The following PXK variants were observed in gnomAD, a reference collection of about 807,000 sequenced individuals.
PXK encodes the protein PX domain-containing protein kinase-like protein.
PXK carries 35 observed loss-of-function variants against 84.7 expected under a neutral mutation model. The observed-to-expected ratio is 0.41, with a 90% CI of 0.32 to 0.55. The LOEUF (loss-of-function observed/expected upper bound fraction) is 0.55. PXK is among the 20% of genes least tolerant of loss of function. PXK has a pLI of 0.21. For synonymous variants in PXK, 253 were observed against 260.8 expected (o/e 0.97, Z 0.29); for missense variants, 634 against 699.7 (o/e 0.91, Z 1.06).
chr3:58,384,282 G>T (rs1328251350), intron 4 of PXK, among the ~76,000 whole-genome samples: 1 of 152,200 alleles, frequency 6.6e-6, no homozygotes, highest in African/African-American at 2.4e-5. Context: ...AAGGTCCCCA[G>T]GTGATTTGCA....
intron 1 of PXK, among the ~76,000 whole-genome samples, chr3:58,357,810 C>A (rs958847703): frequency 5.9e-5 from 9 of 152,026 alleles, no homozygotes; most frequent in Admixed American, 3.3e-4. Flanking sequence ...ATTAGCCTGG[C>A]TTGGTGGTGG....
chr3:58,384,501 C>T (rs868569013), intron 4 of PXK, among the ~76,000 whole-genome samples: 1 of 151,940 alleles, frequency 6.6e-6, no homozygotes, highest in Admixed American at 6.6e-5. Context: ...TTTTTGTTCA[C>T]GGAAGAGAAA....
At chr3:58,373,085 T>C (rs1480838653) in intron 3 of PXK, among the ~76,000 whole-genome samples, 5 of 147,436 alleles carry the variant, frequency 3.4e-5, no homozygotes, top group African/African-American at 1.2e-4. Flanking sequence ...CGTCATTTCT[T>C]TTTTTTTTTT....
rs1361172805 is a variant in PXK at position 58,414,198 on chromosome 3, G to A, written c.1528+1235G>A. On this transcript the variant is annotated intron_variant, in intron 17 of 17. Transcript: ENST00000356151. This position sits in a 1 kb window ranked among gnomAD's most constrained non-coding sequence, Gnocchi z 4.5. ...TGATCTACTGCCCGGACTATATTAA[G>A]CCATTTTCTAGAAGATAGGATATTA... 3 of 152,138 alleles carry A rather than the reference G, an allele frequency of 2.0e-5. No homozygotes were observed. The highest frequency in any genetic ancestry group is 4.4e-5 in the Non-Finnish European group (3 of 68,032). 9.4% of individuals were successfully genotyped at this position (152,138 alleles called of 1,614,324 possible). A position where few individuals can be genotyped will look rare whatever the true frequency, so the allele number is the denominator to read the frequency against.
At chr3:58,423,621 TTACC>T in intron 17 of PXK, 1 of 1,455,602 alleles carries the variant, frequency 6.9e-7, no homozygotes, top group African/African-American at 1.4e-5. Flanking sequence ...TAGGGTAGCT[TTACC>T]TGTTACTTAT....
chr3:58,357,482 G>A (rs2098111161), intron 1 of PXK, among the ~76,000 whole-genome samples: 1 of 152,048 alleles, frequency 6.6e-6, no homozygotes, highest in Non-Finnish European at 1.5e-5. Flanking sequence ...CTGTTTTACA[G>A]TTACCTTTCA....
chr3:58,343,431 C>T lies in PXK; in HGVS notation c.102+10341C>T, dbSNP rs575074385. On this transcript the variant is annotated intron_variant, in intron 1 of 17. Transcript: ENST00000356151. ...ATGTGACCATGTAGCCCACCATATT[C>T]ACCAGCAGCCTGGCACTGGTTTATT... is the stretch of plus-strand genomic sequence containing the variant. Among the ~76,000 whole-genome samples, 3 of 152,364 alleles carry T rather than the reference C, an allele frequency of 2.0e-5. No homozygotes were observed. The East Asian group carries it at 5.8e-4, about 29-fold the overall frequency.
chr3:58,377,738 A>C (rs2098455910), intron 3 of PXK, among the ~76,000 whole-genome samples: 1 of 152,196 alleles, frequency 6.6e-6, no homozygotes. Context: ...GATTGTTTAT[A>C]TACACAAACA....
intron 4 of PXK, among the ~76,000 whole-genome samples, chr3:58,389,785 A>G (rs1158194813): frequency 6.6e-6 from 1 of 151,952 alleles, no homozygotes; most frequent in African/African-American, 2.4e-5. Context: ...GGATCACCTG[A>G]GGTCAGGAGC....
chr3:58,372,313 G>GA (rs2098384951), intron 3 of PXK, among the ~76,000 whole-genome samples: 1 of 151,806 alleles, frequency 6.6e-6, no homozygotes, highest in South Asian at 2.1e-4. Flanking sequence ...TGGAAAAACA[G>GA]AAAAAAGCTG....
intron 1 of PXK, among the ~76,000 whole-genome samples, chr3:58,363,633 T>C (rs2098225159): frequency 6.6e-6 from 1 of 152,236 alleles, no homozygotes; most frequent in Non-Finnish European, 1.5e-5. Flanking sequence ...AAGAATTTAT[T>C]AATTCCAGTT....
chr3:58,409,598 A>AG lies in PXK; in HGVS notation c.1376dup (p.Ile461AspfsTer13). On this transcript the variant is annotated frameshift_variant, in exon 15 of 18. Coordinates refer to ENST00000356151, the MANE Select transcript of PXK (RefSeq NM_017771.5). LOFTEE classifies it high-confidence loss of function. This position sits in a 1 kb window ranked among gnomAD's most constrained non-coding sequence, Gnocchi z 4.2. ...TGGATCTGAGGAGGAAAGAAAAAAA[A>AG]GAAAGATTTTAGCTCGAAAGGTAAG... is the stretch of plus-strand genomic sequence containing the variant. 1 of 1,612,800 alleles carries AG rather than the reference A, an allele frequency of 6.2e-7. No homozygotes were observed. The highest frequency in any genetic ancestry group is 8.5e-7 in the Non-Finnish European group (1 of 1,179,648).
In PXK at chr3:58,390,152, T is replaced by G. The variant is rs1394282383; in HGVS notation, c.389-430T>G. Among the ~76,000 whole-genome samples the G allele has an allele frequency of 6.6e-6, 1 of 152,070 alleles. No homozygotes were observed. Among genetic ancestry groups the G allele is most frequent in the Admixed American group, 6.6e-5 (1 of 15,260 alleles). ...ATGATTGTGCCACTGAGTTCCAGCC[T>G]GGGCAACAGAGTGAGACCCTATCTC... On this transcript the variant is annotated intron_variant, in intron 4 of 17. Coordinates refer to ENST00000356151, the MANE Select transcript of PXK (RefSeq NM_017771.5). The surrounding 1 kb of genome is among the most constrained non-coding windows in gnomAD (Gnocchi z 4.2).
At chr3:58,369,214 C>G (rs1201864211) in intron 2 of PXK, among the ~76,000 whole-genome samples, 1 of 152,164 alleles carries the variant, frequency 6.6e-6, no homozygotes, top group East Asian at 1.9e-4. Flanking sequence ...CAGGTATTAA[C>G]CAGTTTCCCA....
In PXK at chr3:58,401,901, TAAAATAA is replaced by T. The variant is rs1444627840; in HGVS notation, c.1182-1951_1182-1945del. Among the ~76,000 whole-genome samples the T allele has an allele frequency of 1.3e-5, 2 of 151,532 alleles. No individual in the cohort carries two copies. Among genetic ancestry groups the T allele is most frequent in the Non-Finnish European group, 2.9e-5 (2 of 67,886 alleles). ...GAGACTCCATCTCAAAAAAATAAAA[TAAAATAA>T]AAAATAAAACAAACTGGGGGCGCAG... is the stretch of plus-strand genomic sequence containing the variant. On this transcript the variant is annotated intron_variant, in intron 12 of 17. Transcript: ENST00000356151. This position sits in a 1 kb window ranked among gnomAD's most constrained non-coding sequence, Gnocchi z 4.4.
rs774740939 is a variant in PXK at position 58,409,551 on chromosome 3, T to G, written c.1328T>G (p.Leu443Arg). Reference sequence around the variant, plus strand: ...TTAAAGATTCACCAGCATCGAAGACTGACAAGAGCTCAGTCCCACCATGGA... The same window carrying G: ...TTAAAGATTCACCAGCATCGAAGACGGACAAGAGCTCAGTCCCACCATGGA... ...EQKQIHQHRRLTRAQSHHGSE... is the reference protein window; with the variant it reads ...EQKQIHQHRRRTRAQSHHGSE... The change falls in exon 15 of 18, where the codon CTG (leucine) becomes CGG (arginine). Residue 443 changes from leucine to arginine, a missense_variant. Transcript: ENST00000356151. The surrounding 1 kb of genome is among the most constrained non-coding windows in gnomAD (Gnocchi z 4.2). 6.2e-7 allele frequency: 1 copy of G among 1,613,524 alleles called. No individual in the cohort carries two copies. Among genetic ancestry groups the G allele is most frequent in the Non-Finnish European group, 8.5e-7 (1 of 1,179,822 alleles).
chr3:58,423,251 C>G, intron 17 of PXK: 1 of 976,098 alleles, frequency 1.0e-6, no homozygotes, highest in Non-Finnish European at 1.2e-6. Context: ...CTTTTTATCT[C>G]TGTAACCTGG....
chr3:58,388,172 C>T (rs1438825654), intron 4 of PXK, among the ~76,000 whole-genome samples: 1 of 152,174 alleles, frequency 6.6e-6, no homozygotes, highest in Non-Finnish European at 1.5e-5. Context: ...AATCACAGTT[C>T]AGTGGGAAGA....
chr3:58,335,017 T>G (rs2097566285), intron 1 of PXK, among the ~76,000 whole-genome samples: 2 of 50,794 alleles, frequency 3.9e-5, no homozygotes, highest in Non-Finnish European at 7.6e-5. Context: ...TTGTCCAGGC[T>G]GGTGTGTGTG....
Sources: allele counts gnomAD v4.1 joint callset (sites outside exome capture counted in the v4.1 genomes callset), GRCh38; gene constraint gnomAD v4.1.1; non-coding constraint Gnocchi (gnomAD v3.1); transcripts MANE v1.5; gene names NCBI Gene and HGNC (gene_info 2026-07-23, HGNC 2026-07-21).